SETBP1: variants seen among roughly 807,000 people sequenced by gnomAD.
SETBP1 encodes the protein SET-binding protein.
SETBP1 carries 9 observed loss-of-function variants against 101.0 expected under a neutral mutation model. That is an observed-to-expected ratio of 0.09 (90% confidence interval 0.05 to 0.16). The LOEUF is 0.16. Ranked by LOEUF, SETBP1 falls within the 10% of genes least tolerant of loss-of-function variation. SETBP1 has a pLI of 1.00. For synonymous variants in SETBP1, 818 were observed against 788.5 expected, an observed-to-expected ratio of 1.04 and a Z score of -0.63; for missense variants, 1,858 against 2,033.8, an observed-to-expected ratio of 0.91 and a Z score of 1.66.
intron 2 of SETBP1, among the ~76,000 whole-genome samples, chr18:44,722,598 T>A (rs184406035): frequency 1.3e-5 from 2 of 152,364 alleles, no homozygotes; most frequent in African/African-American, 4.8e-5. Context: ...GCTGCAGCTG[T>A]CTAAAGGCTG....
intron 2 of SETBP1, among the ~76,000 whole-genome samples, chr18:44,764,787 C>A (rs1891382831): frequency 6.6e-6 from 1 of 152,048 alleles, no homozygotes; most frequent in South Asian, 2.1e-4. Flanking sequence ...TGTTCTTAAC[C>A]TGCCTTATTT....
At chr18:44,770,660 A>C (rs544959980) in intron 2 of SETBP1, among the ~76,000 whole-genome samples, 28 of 152,338 alleles carry the variant, frequency 1.8e-4, no homozygotes, top group African/African-American at 6.5e-4. Context: ...AGCCCACAAA[A>C]GATTTAGCGC....
chr18:44,767,024 C>T (rs2070775311), intron 2 of SETBP1, among the ~76,000 whole-genome samples: 2 of 152,108 alleles, frequency 1.3e-5, no homozygotes, highest in African/African-American at 2.4e-5. Flanking sequence ...GGAGAATTTC[C>T]TTTCATTGTG....
At chr18:44,705,381 C>G (rs1008168037) in intron 2 of SETBP1, among the ~76,000 whole-genome samples, 2 of 152,110 alleles carry the variant, frequency 1.3e-5, no homozygotes, top group Non-Finnish European at 2.9e-5. Flanking sequence ...TATTTACTCT[C>G]TGATCCTTAC....
chr18:45,055,594 G>A (rs1673782153), intron 5 of SETBP1, among the ~76,000 whole-genome samples: 2 of 151,934 alleles, frequency 1.3e-5, no homozygotes, highest in African/African-American at 4.8e-5. Flanking sequence ...GTAATTTAAA[G>A]TTCTCTTTCT....
At chr18:44,869,087 A>T in intron 2 of SETBP1, 143 bp from the exon 3 acceptor site, 1 of 743,230 alleles carries the variant, frequency 1.3e-6, no homozygotes, top group Non-Finnish European at 2.4e-6. Context: ...TTCCCAGTCC[A>T]GAAATCTCAC....
chr18:44,979,664 C>T (rs1015808254), intron 4 of SETBP1, among the ~76,000 whole-genome samples: 5 of 152,182 alleles, frequency 3.3e-5, no homozygotes. Context: ...TATTCCAGAA[C>T]TAAGTGCTAA....
At chr18:44,897,900 G>C (rs2069944740) in intron 3 of SETBP1, among the ~76,000 whole-genome samples, 1 of 152,196 alleles carries the variant, frequency 6.6e-6, no homozygotes, top group Non-Finnish European at 1.5e-5. Context: ...GGAGTGTTGA[G>C]TTGGTAAACC....
At chr18:44,792,308 G>C (rs1290656882) in intron 2 of SETBP1, among the ~76,000 whole-genome samples, 1 of 152,170 alleles carries the variant, frequency 6.6e-6, no homozygotes, top group Non-Finnish European at 1.5e-5. Context: ...ATGTGAGAGA[G>C]AAGATATCCA....
At chr18:45,043,361 T>TCA (rs2073547341) in intron 5 of SETBP1, among the ~76,000 whole-genome samples, 1 of 53,150 alleles carries the variant, frequency 1.9e-5, no homozygotes. Flanking sequence ...TCTCTCTCTC[T>TCA]CTCTCACACA....
At chr18:45,004,449 C>A (rs192103214) in intron 4 of SETBP1, among the ~76,000 whole-genome samples, 172 of 152,344 alleles carry the variant, frequency 1.1e-3, no homozygotes, top group Non-Finnish European at 1.4e-3. Context: ...ACTTCACTTT[C>A]TATTGTGTAA....
At chr18:45,045,755 A>T (rs926845892) in intron 5 of SETBP1, among the ~76,000 whole-genome samples, 5 of 152,120 alleles carry the variant, frequency 3.3e-5, no homozygotes, top group African/African-American at 1.2e-4. Context: ...AGTGTCAAGG[A>T]TCGTGGTGAA....
chr18:44,866,252 A>G (rs2069126283), intron 2 of SETBP1, among the ~76,000 whole-genome samples: 1 of 152,204 alleles, frequency 6.6e-6, no homozygotes, highest in Non-Finnish European at 1.5e-5. Context: ...ATTCATTCAA[A>G]TATTTGAGTG....
chr18:44,701,408 C>G lies in SETBP1; in HGVS notation c.62C>G (p.Pro21Arg). Residue 21 changes from proline to arginine, a missense_variant, in exon 2 of 6, where the codon CCG (proline) becomes CGG (arginine). Physicochemically the swap from Pro to Arg is moderately radical, Grantham distance 103 (BLOSUM62 -2). Around this residue, in one of 12 missense-constraint regions of SETBP1, gnomAD observed 97 missense variants for 101.2 expected, o/e 0.96. Coordinates refer to ENST00000649279, the MANE Select transcript of SETBP1 (RefSeq NM_015559.3). ...RQRGGESDFL[P>R]VSSAKPPAAP... ...AGAGGGGGCGAGTCAGACTTCCTGC[C>G]GGTCTCCTCAGCCAAGCCCCCAGCT... The G allele has an allele frequency of 3.2e-6, 5 of 1,576,478 alleles. No homozygotes were observed. The highest frequency in any genetic ancestry group is 1.2e-5 in the South Asian group (1 of 86,930).
chr18:44,830,710 C>T (rs567743549), intron 2 of SETBP1, among the ~76,000 whole-genome samples: 1 of 152,170 alleles, frequency 6.6e-6, no homozygotes, highest in African/African-American at 2.4e-5. Flanking sequence ...CAATTTTATT[C>T]TCATCCTCTG....
intron 3 of SETBP1, among the ~76,000 whole-genome samples, chr18:44,913,618 GT>G (rs2070362881): frequency 6.6e-6 from 1 of 152,234 alleles, no homozygotes; most frequent in Non-Finnish European, 1.5e-5. Flanking sequence ...AGTAACAAAA[GT>G]GGTTTCCCTG....
intron 4 of SETBP1, among the ~76,000 whole-genome samples, chr18:44,975,111 G>T (rs777328708): frequency 6.6e-6 from 1 of 152,150 alleles, no homozygotes; most frequent in Non-Finnish European, 1.5e-5. Context: ...AGAAATTTTC[G>T]GATCCAAGAA....
intron 3 of SETBP1, among the ~76,000 whole-genome samples, chr18:44,931,698 CTTCT>C (rs1159588600): frequency 1.3e-5 from 2 of 152,152 alleles, no homozygotes; most frequent in African/African-American, 4.8e-5. Context: ...ATGCAATGGC[CTTCT>C]TTGTCTCTTT....
intron 2 of SETBP1, among the ~76,000 whole-genome samples, chr18:44,840,796 TC>T (rs1461355107): frequency 1.3e-5 from 2 of 152,240 alleles, no homozygotes. Context: ...ACCTTTAGAA[TC>T]ACCTGGAGAG....
Sources: allele counts gnomAD v4.1 joint callset (sites outside exome capture counted in the v4.1 genomes callset), GRCh38; gene constraint gnomAD v4.1.1; regional missense constraint gnomAD v4.1.1; transcripts MANE v1.5; gene names NCBI Gene and HGNC (gene_info 2026-07-23, HGNC 2026-07-21).